Variants in YARS2 observed in about 807,000 individuals in gnomAD.
The protein encoded by YARS2 is tyrosine--tRNA ligase, mitochondrial.
YARS2 carries 38 observed loss-of-function variants against 45.0 expected under a neutral mutation model. The observed-to-expected ratio is 0.84, with a 90% CI of 0.65 to 1.11. The LOEUF is 1.11. Among genes scored for constraint, YARS2 ranks in the 50% least tolerant of loss-of-function variants. The pLI, the probability that YARS2 is intolerant of heterozygous loss-of-function variation, is 0.00. For synonymous variants in YARS2, 287 were observed against 245.1 expected, an observed-to-expected ratio of 1.17 and a Z score of -1.60; for missense variants, 602 against 599.8, an observed-to-expected ratio of 1.00 and a Z score of -0.04.
rs1348308050 is a variant in YARS2 at position 32,753,916 on chromosome 12, A to T, written c.947+2T>A. On this transcript the variant is annotated splice_donor_variant, in intron 2 of 4. Transcript: ENST00000324868. LOFTEE classifies it high-confidence loss of function. ...TTTCTCAGCCCATTATTCAGAACTC[A>T]CCTTTCCACTGAATCGTCCGGTTGC... 6.2e-7 allele frequency: 1 copy of T among 1,614,194 alleles called. No individual in the cohort carries two copies. Among genetic ancestry groups the T allele is most frequent in the Non-Finnish European group, 8.5e-7 (1 of 1,180,032 alleles).
chr12:32,755,867 G>A lies in YARS2; in HGVS notation c.8C>T (p.Ala3Val), dbSNP rs1374541727. 5 of 1,613,118 alleles carry A rather than the reference G, an allele frequency of 3.1e-6. No homozygotes were observed. Among genetic ancestry groups the A allele is most frequent in the East Asian group, 2.2e-5 (1 of 44,874 alleles). ...CCAGGAAAAGGACCGCAAGATGGGC[G>A]CCGCCATCTTGGTAGCGGCACGAAG... is the stretch of plus-strand genomic sequence containing the variant. Reference protein sequence around the residue: MAAPILRSFSWGR... With the variant: MAVPILRSFSWGR... The change falls in exon 1 of 5, where the codon GCG becomes GTG. Residue 3 changes from alanine to valine, a missense_variant. Ala to Val is a moderately conservative substitution (Grantham distance 64, BLOSUM62 0). Transcript: ENST00000324868.
intron 4 of YARS2, among the ~76,000 whole-genome samples, chr12:32,748,002 C>G (rs942411442): frequency 7.9e-5 from 12 of 152,072 alleles, no homozygotes; most frequent in Admixed American, 7.2e-4. Context: ...ACAATCAGGG[C>G]AGGAAACATG....
At position 32,750,669 on chromosome 12, in the gene YARS2, C is replaced by G. The variant is rs546469121; in HGVS notation, c.1103+50G>C. On this transcript the variant is annotated intron_variant, in intron 3 of 4. Coordinates refer to ENST00000324868, the MANE Select transcript of YARS2 (RefSeq NM_001040436.3). ...AAACATACTCCTACTTTTCTCATGTCTATCCACTGAATAACTAACTATCAA... is the reference window on the plus strand; with the variant it reads ...AAACATACTCCTACTTTTCTCATGTGTATCCACTGAATAACTAACTATCAA... The G allele has an allele frequency of 1.6e-5, 26 of 1,606,854 alleles. No individual in the cohort carries two copies. In the South Asian group the frequency reaches 2.8e-4, roughly 17 times the overall value.
At chr12:32,752,284 A>T (rs915841242) in intron 2 of YARS2, among the ~76,000 whole-genome samples, 14 of 152,220 alleles carry the variant, frequency 9.2e-5, no homozygotes, top group African/African-American at 3.4e-4. Flanking sequence ...ATCATAAAAC[A>T]TCTATGTAAC....
At chr12:32,752,202 CTCTT>C (rs772967135) in intron 2 of YARS2, among the ~76,000 whole-genome samples, 17 of 152,134 alleles carry the variant, frequency 1.1e-4, no homozygotes, top group Non-Finnish European at 2.4e-4. Flanking sequence ...TATATGTATT[CTCTT>C]TTTCTTTGGT....
At chr12:32,754,699 T>C (rs1264952047) in intron 1 of YARS2, among the ~76,000 whole-genome samples, 2 of 148,140 alleles carry the variant, frequency 1.4e-5, no homozygotes, top group African/African-American at 5.0e-5. Context: ...TCTTCACTAG[T>C]GGTCTGTTTC....
In YARS2 at chr12:32,753,906, T is replaced by C. The variant is rs766736612; in HGVS notation, c.947+12A>G. 6.2e-7 allele frequency: 1 copy of C among 1,614,172 alleles called. No homozygotes were observed. Among genetic ancestry groups the C allele is most frequent in the East Asian group, 2.2e-5 (1 of 44,886 alleles). On this transcript the variant is annotated intron_variant, in intron 2 of 4. Coordinates refer to ENST00000324868, the MANE Select transcript of YARS2 (RefSeq NM_001040436.3). Reference sequence around the variant, plus strand: ...GGTGTCAGTTTTTCTCAGCCCATTATTCAGAACTCACCTTTCCACTGAATC... The same window carrying C: ...GGTGTCAGTTTTTCTCAGCCCATTACTCAGAACTCACCTTTCCACTGAATC...
At chr12:32,753,787 G>T in intron 2 of YARS2, 131 bp downstream of exon 2, 1 of 1,203,876 alleles carries the variant, frequency 8.3e-7, no homozygotes, top group Non-Finnish European at 1.2e-6. Flanking sequence ...CTTCTATGAT[G>T]TAATGGTTTA....
intron 4 of YARS2, among the ~76,000 whole-genome samples, chr12:32,747,592 G>A (rs1424933470): frequency 6.6e-6 from 1 of 152,076 alleles, no homozygotes; most frequent in Non-Finnish European, 1.5e-5. Flanking sequence ...TGTAGCCCAG[G>A]CTGGCATGAT....
In YARS2 at chr12:32,755,666, G is replaced by A; in HGVS notation, c.209C>T (p.Ala70Val). 1.9e-6 allele frequency: 3 copies of A among 1,614,260 alleles called. No individual in the cohort carries two copies. Among genetic ancestry groups the A allele is most frequent in the Non-Finnish European group, 2.5e-6 (3 of 1,180,050 alleles). Residue 70 changes from alanine (A) to valine (V), a missense_variant, in exon 1 of 5, where the codon GCG becomes GTG. Physicochemically the swap from Ala to Val is moderately conservative, Grantham distance 64. Transcript: ENST00000324868. ...ACAGTAAATGGTTTGGGGAAAACTC[G>A]CCGTGCCACGGTCGAAGAGCTCTGG... is the stretch of plus-strand genomic sequence containing the variant. ...ELPELFDRGTASFPQTIYCGF... is the reference protein window; with the variant it reads ...ELPELFDRGTVSFPQTIYCGF...
At chr12:32,751,230 C>T (rs754841836) in intron 2 of YARS2, among the ~76,000 whole-genome samples, 1 of 151,798 alleles carries the variant, frequency 6.6e-6, no homozygotes, top group Non-Finnish European at 1.5e-5. Context: ...CCACGCCTGG[C>T]TAATTTTTAT....
In YARS2 at chr12:32,755,097, T is replaced by G; in HGVS notation, c.778A>C (p.Lys260Gln). The change falls in exon 1 of 5, where the codon AAG (lysine) becomes CAG (glutamine). Residue 260 changes from lysine to glutamine, a missense_variant and splice_region_variant. By Grantham distance (53) the Lys-to-Gln change is moderately conservative (BLOSUM62 1). Transcript: ENST00000324868. Reference sequence around the variant, plus strand: ...TCCCCAAGGTTTAAAGGCACTTACTTGTTGATGAACTCATATCCGGACATG... The same window carrying G: ...TCCCCAAGGTTTAAAGGCACTTACTGGTTGATGAACTCATATCCGGACATG... The part of the protein sequence containing the change: ...NIMSGYEFIN[K>Q]LTGEDVFGIT... 2 of 1,614,128 alleles carry G rather than the reference T, an allele frequency of 1.2e-6. No individual in the cohort carries two copies. Among genetic ancestry groups the G allele is most frequent in the Non-Finnish European group, 1.7e-6 (2 of 1,180,002 alleles).
At chr12:32,751,674 A>G (rs867055915) in intron 2 of YARS2, among the ~76,000 whole-genome samples, 1 of 152,160 alleles carries the variant, frequency 6.6e-6, no homozygotes, top group African/African-American at 2.4e-5. Flanking sequence ...TCAGAATGAA[A>G]CTGTTCCACT....
intron 2 of YARS2, 68 bp downstream of exon 2, chr12:32,753,850 T>A: frequency 6.3e-7 from 1 of 1,593,534 alleles, no homozygotes; most frequent in Non-Finnish European, 8.6e-7. Context: ...TGTACATAGA[T>A]TCAATGGCTA....
At chr12:32,749,847 G>T in intron 4 of YARS2, 90 bp downstream of exon 4, 1 of 1,497,526 alleles carries the variant, frequency 6.7e-7, no homozygotes, top group South Asian at 1.1e-5. Context: ...AATGTGCTGT[G>T]ATTACAGGCA....
chr12:32,746,725 AC>A lies in YARS2; in HGVS notation c.*478del. The A allele has an allele frequency of 6.2e-6, 1 of 160,980 alleles. No individual in the cohort carries two copies. Among genetic ancestry groups the A allele is most frequent in the Admixed American group, 6.2e-5 (1 of 16,226 alleles). 10.0% of individuals were successfully genotyped at this position (160,980 alleles called of 1,614,324 possible). A position where few individuals can be genotyped will look rare whatever the true frequency, so the allele number is the denominator to read the frequency against. Reference sequence around the variant, plus strand: ...GCTAATTTTTATATTTTCAGTAGAGACGGGGTTTCGCCCTGTTGGCCAGGCT... The same window carrying A: ...GCTAATTTTTATATTTTCAGTAGAGAGGGGTTTCGCCCTGTTGGCCAGGCT... On this transcript the variant is annotated 3_prime_UTR_variant, in exon 5 of 5. Coordinates refer to ENST00000324868, the MANE Select transcript of YARS2 (RefSeq NM_001040436.3).
In YARS2 at chr12:32,755,296, G is replaced by T. The variant is rs1955826678; in HGVS notation, c.579C>A (p.Phe193Leu). Residue 193 changes from phenylalanine to leucine, a missense_variant, in exon 1 of 5, where the codon TTC becomes TTA. Coordinates refer to ENST00000324868, the MANE Select transcript of YARS2 (RefSeq NM_001040436.3). ...VDFLAAVGGH[F>L]RMGTLLSRQS... is the part of the protein sequence containing the mutation. Reference sequence around the variant, plus strand: ...GCCGGCTCAGCAGCGTCCCCATGCGGAAGTGACCCCCCACTGCCGCCAGGA... The same window carrying T: ...GCCGGCTCAGCAGCGTCCCCATGCGTAAGTGACCCCCCACTGCCGCCAGGA... 6.2e-7 allele frequency: 1 copy of T among 1,614,032 alleles called. No homozygotes were observed. Among genetic ancestry groups the T allele is most frequent in the Admixed American group, 1.7e-5 (1 of 60,012 alleles).
intron 3 of YARS2, 100 bp from the exon 4 acceptor site, chr12:32,750,207 A>C: frequency 1.3e-6 from 2 of 1,486,746 alleles, no homozygotes; most frequent in African/African-American, 1.4e-5. Context: ...TTCTAGACTA[A>C]AAGTTTTTTT....
At position 32,747,788 on chromosome 12, in the gene YARS2, G is replaced by T. The variant is rs564822402; in HGVS notation, c.1275-425C>A. 3.0e-4 allele frequency among the ~76,000 whole-genome samples: 46 copies of T among 152,236 alleles called. No individual in the cohort carries two copies. In the South Asian group the frequency reaches 4.4e-3, roughly 14 times the overall value. On this transcript the variant is annotated intron_variant, in intron 4 of 4. Transcript: ENST00000324868. ...CAACCTCAAGTGATCCACCTGCCTT[G>T]GCCTCCCAAAGTGCTGGGATTACAG...
Sources: allele counts gnomAD v4.1 joint callset (sites outside exome capture counted in the v4.1 genomes callset), GRCh38; gene constraint gnomAD v4.1.1; transcripts MANE v1.5; gene names NCBI Gene and HGNC (gene_info 2026-07-23, HGNC 2026-07-21).